The following CHM variants were observed in gnomAD, a reference collection of about 807,000 sequenced individuals.
The protein encoded by CHM is rab proteins geranylgeranyltransferase component A 1.
In CHM, 10 loss-of-function variants were observed where a neutral mutation model predicts 49.0. The observed-to-expected ratio is 0.20, with a 90% CI of 0.13 to 0.35. The LOEUF is 0.35. Ranked by LOEUF, CHM falls within the 10% of genes least tolerant of loss-of-function variation. The probability of loss-of-function intolerance (pLI) is 1.00; values close to 1 mark genes in which losing one functional copy is unlikely to be tolerated. For synonymous variants in CHM, 184 were observed against 167.5 expected (o/e 1.10, Z -0.76); for missense variants, 455 against 478.4 (o/e 0.95, Z 0.46).
intron 2 of CHM, among the ~76,000 whole-genome samples, chrX:86,008,657 A>C (rs371223173): frequency 3.0e-4 from 34 of 111,843 alleles, no homozygotes; most frequent in South Asian, 2.6e-3. Context: ...ATATGGGCTA[A>C]AAAAATTTTC....
In CHM at chrX:86,026,375, G is replaced by A. The variant is rs1933825740; in HGVS notation, c.116+1116C>T. Among the ~76,000 whole-genome samples, 8 of 108,487 alleles carry A rather than the reference G, an allele frequency of 7.4e-5. No homozygotes were observed. The Admixed American group carries it at 8.0e-4, about 11-fold the overall frequency. 94.2% of individuals were successfully genotyped at this position (108,487 alleles called of 115,157 possible). A position where few individuals can be genotyped will look rare whatever the true frequency, so the allele number is the denominator to read the frequency against. On this transcript the variant is annotated intron_variant, in intron 2 of 14. Transcript: ENST00000357749. ...CTGACTTCCTGACCTCAAGTGATCC[G>A]CCCACCTCAGCCTCCCAAAGTGCTG...
At chrX:85,890,837 T>G (rs1045497082) in intron 12 of CHM, among the ~76,000 whole-genome samples, 1 of 111,575 alleles carries the variant, frequency 9.0e-6, no homozygotes, top group Non-Finnish European at 1.9e-5. Context: ...TGGAACAATT[T>G]GGAGGGCTCA....
chrX:85,938,884 T>C (rs1006786094), intron 8 of CHM, among the ~76,000 whole-genome samples: 5 of 111,099 alleles, frequency 4.5e-5, no homozygotes, highest in Admixed American at 1.9e-4. Flanking sequence ...GATGCCCAAA[T>C]ACAAAAAATA....
intron 1 of CHM, among the ~76,000 whole-genome samples, chrX:86,046,360 G>C (rs1934654235): frequency 8.9e-6 from 1 of 112,374 alleles, no homozygotes; most frequent in South Asian, 3.7e-4. Flanking sequence ...ACAAAATGCA[G>C]AGAGTACCTA....
intron 7 of CHM, among the ~76,000 whole-genome samples, chrX:85,956,844 A>G (rs1256578553): frequency 9.0e-6 from 1 of 111,600 alleles, no homozygotes; most frequent in East Asian, 2.8e-4. Context: ...AATGAAATGA[A>G]TTTCCATGTG....
chrX:85,882,734 T>C, intron 12 of CHM, among the ~76,000 whole-genome samples: 1 of 111,827 alleles, frequency 8.9e-6, no homozygotes, highest in Middle Eastern at 4.6e-3. Flanking sequence ...AAAACTGCCT[T>C]TGGAATGCTG....
At chrX:85,946,680 G>A (rs1280335387) in intron 8 of CHM, among the ~76,000 whole-genome samples, 1 of 112,204 alleles carries the variant, frequency 8.9e-6, no homozygotes, top group Non-Finnish European at 1.9e-5. Flanking sequence ...CAGAGAACCT[G>A]TATTAGGACA....
chrX:85,944,824 T>C (rs183614407), intron 8 of CHM, among the ~76,000 whole-genome samples: 1 of 112,163 alleles, frequency 8.9e-6, no homozygotes, highest in East Asian at 2.8e-4. Context: ...TAAAAACACA[T>C]GTCCCAGTAT....
chrX:85,937,303 C>A (rs1434496982), intron 8 of CHM, among the ~76,000 whole-genome samples: 1 of 108,292 alleles, frequency 9.2e-6, no homozygotes, highest in African/African-American at 3.4e-5. Context: ...ATAATACTAT[C>A]TTTCAGTTTA....
At chrX:85,902,559 T>G (rs1195981632) in intron 9 of CHM, among the ~76,000 whole-genome samples, 2 of 111,542 alleles carry the variant, frequency 1.8e-5, no homozygotes, top group Non-Finnish European at 3.8e-5. Context: ...CATCTCCACC[T>G]TCTTTCTCTT....
intron 2 of CHM, among the ~76,000 whole-genome samples, chrX:86,015,058 GTTA>G (rs1933232981): frequency 1.1e-5 from 1 of 89,443 alleles, no homozygotes; most frequent in African/African-American, 3.8e-5. Context: ...ACATGAAAAA[GTTA>G]TTTTTTTTTT....
At chrX:85,914,473 C>T (rs751119240) in intron 8 of CHM, among the ~76,000 whole-genome samples, 1 of 111,036 alleles carries the variant, frequency 9.0e-6, no homozygotes, top group African/African-American at 3.3e-5. Flanking sequence ...ACCTTCCCAT[C>T]AGAGTATTTT....
chrX:86,036,038 C>T (rs1195216772), intron 1 of CHM, among the ~76,000 whole-genome samples: 3 of 110,176 alleles, frequency 2.7e-5, no homozygotes, highest in Non-Finnish European at 5.7e-5. Flanking sequence ...CATGATCCGC[C>T]CGCCTCGGCC....
chrX:85,892,551 C>G (rs1925546652), intron 12 of CHM, among the ~76,000 whole-genome samples: 1 of 111,207 alleles, frequency 9.0e-6, no homozygotes, highest in Non-Finnish European at 1.9e-5. Flanking sequence ...TGCCATGATT[C>G]TGAGACCTCC....
chrX:85,901,018 G>T (rs1235597156), intron 10 of CHM, 66 bp downstream of exon 10: 2 of 759,182 alleles, frequency 2.6e-6, no homozygotes, highest in African/African-American at 2.1e-5. Flanking sequence ...GTTACTTGAA[G>T]AACAGAATTA....
At chrX:85,976,179 C>A (rs1183741219) in intron 4 of CHM, among the ~76,000 whole-genome samples, 2 of 111,964 alleles carry the variant, frequency 1.8e-5, no homozygotes, top group South Asian at 7.5e-4. Flanking sequence ...TGATCATCAG[C>A]TGTTACACTG....
chrX:85,942,734 C>T (rs557759013), intron 8 of CHM, among the ~76,000 whole-genome samples: 2 of 103,667 alleles, frequency 1.9e-5, no homozygotes, highest in African/African-American at 7.2e-5. Flanking sequence ...GGGATGGGGA[C>T]ATGAAACAGG....
At chrX:85,927,921 G>A (rs1396273980) in intron 8 of CHM, among the ~76,000 whole-genome samples, 2 of 111,944 alleles carry the variant, frequency 1.8e-5, no homozygotes, top group Non-Finnish European at 3.8e-5. Context: ...ACTAATAGCC[G>A]AACTTTTGAC....
At chrX:85,935,003 A>G in intron 8 of CHM, among the ~76,000 whole-genome samples, 1 of 111,878 alleles carries the variant, frequency 8.9e-6, no homozygotes. Context: ...GTCTGTTTGC[A>G]CTGATATAAA....
Sources: allele counts gnomAD v4.1 joint callset (sites outside exome capture counted in the v4.1 genomes callset), GRCh38; gene constraint gnomAD v4.1.1; transcripts MANE v1.5; gene names NCBI Gene and HGNC (gene_info 2026-07-23, HGNC 2026-07-21).